Variants in ITSN2 observed in about 807,000 individuals in gnomAD.
The protein encoded by ITSN2 is intersectin-2.
ITSN2 carries 156 observed loss-of-function variants against 243.7 expected under a neutral mutation model. That is an observed-to-expected ratio of 0.64 (90% CI 0.56 to 0.73). The LOEUF (loss-of-function observed/expected upper bound fraction) is 0.73. Ranked by LOEUF, ITSN2 falls within the 30% of genes least tolerant of loss-of-function variation. ITSN2 has a pLI of 0.00. For missense variants in ITSN2, 1,801 were observed against 1,996.1 expected (o/e 0.90, Z 1.86); for synonymous variants, 703 against 699.9 (o/e 1.00, Z -0.07).
At chr2:24,208,858 A>C (rs1669193789) in intron 36 of ITSN2, among the ~76,000 whole-genome samples, 1 of 152,176 alleles carries the variant, frequency 6.6e-6, no homozygotes, top group African/African-American at 2.4e-5. Context: ...TCAGGTGCTG[A>C]TCTGCCATTT....
chr2:24,298,629 T>A, intron 13 of ITSN2, 36 bp downstream of exon 13: 1 of 1,580,016 alleles, frequency 6.3e-7, no homozygotes, highest in Non-Finnish European at 8.6e-7. Flanking sequence ...AGCTCCATCA[T>A]CATTCAGATA....
chr2:24,223,683 C>CAA (rs61310660), intron 29 of ITSN2, among the ~76,000 whole-genome samples: 189 of 87,216 alleles, frequency 2.2e-3, no homozygotes, highest in South Asian at 6.1e-3. Flanking sequence ...GACCCTGTTT[C>CAA]AAAAAAAAAA....
chr2:24,222,410 C>A (rs1193770764), intron 29 of ITSN2, among the ~76,000 whole-genome samples: 1 of 152,006 alleles, frequency 6.6e-6, no homozygotes, highest in African/African-American at 2.4e-5. Context: ...CAAAAGACTG[C>A]AAAACCACAA....
chr2:24,290,539 A>C (rs1034754369), intron 15 of ITSN2, among the ~76,000 whole-genome samples: 2 of 152,216 alleles, frequency 1.3e-5, no homozygotes, highest in Non-Finnish European at 1.5e-5. Flanking sequence ...TATTGTTTAA[A>C]GAGACCTTCC....
At chr2:24,289,129 A>C (rs554009667) in intron 15 of ITSN2, among the ~76,000 whole-genome samples, 5 of 152,256 alleles carry the variant, frequency 3.3e-5, no homozygotes, top group Admixed American at 6.5e-5. Flanking sequence ...ATACGTTTTA[A>C]AATTGCTTTT....
chr2:24,237,160 CTGTTT>C (rs1350599868), intron 29 of ITSN2, among the ~76,000 whole-genome samples: 23 of 152,148 alleles, frequency 1.5e-4, no homozygotes, highest in African/African-American at 5.6e-4. Flanking sequence ...ATTATCTAAT[CTGTTT>C]TAATTTCTGT....
chr2:24,354,046 G>A (rs998139259), intron 1 of ITSN2, among the ~76,000 whole-genome samples: 10 of 152,188 alleles, frequency 6.6e-5, no homozygotes, highest in African/African-American at 1.9e-4. Context: ...TGATATAAAT[G>A]TGCATATTTA....
At chr2:24,359,632 A>C (rs1034898071) in intron 1 of ITSN2, among the ~76,000 whole-genome samples, 10 of 152,300 alleles carry the variant, frequency 6.6e-5, no homozygotes, top group Middle Eastern at 3.4e-3. Context: ...AGACGTCTTT[A>C]AAAATAAATA....
At chr2:24,359,023 T>C (rs1295195193) in intron 1 of ITSN2, among the ~76,000 whole-genome samples, 2 of 152,318 alleles carry the variant, frequency 1.3e-5, no homozygotes, top group Non-Finnish European at 2.9e-5. Flanking sequence ...TTCCACGTTT[T>C]CAAAAACATA....
chr2:24,277,470 A>G (rs1318708798), intron 17 of ITSN2, among the ~76,000 whole-genome samples: 5 of 152,224 alleles, frequency 3.3e-5, no homozygotes, highest in Non-Finnish European at 5.9e-5. Context: ...GCCAATAGTA[A>G]TGCATACTGC....
intron 1 of ITSN2, among the ~76,000 whole-genome samples, chr2:24,343,921 A>G (rs1687283555): frequency 6.6e-6 from 1 of 152,204 alleles, no homozygotes; most frequent in Non-Finnish European, 1.5e-5. Flanking sequence ...AAACTTACTA[A>G]GCGGACTCCA....
chr2:24,298,906 T>C, intron 12 of ITSN2, 92 bp from the exon 13 acceptor site: 1 of 1,217,480 alleles, frequency 8.2e-7, no homozygotes, highest in African/African-American at 1.5e-5. Flanking sequence ...TCAGGCAGAG[T>C]TTAGCACTTA....
chr2:24,286,238 T>C lies in ITSN2; in HGVS notation c.1837A>G (p.Met613Val). ...EKETASKLSE[M>V]DSFNNQLKCG... ...TTTAGTTGATTGTTAAAAGAATCCATTTCTGACAGCTTAGATGCAGTTTCT... is the reference window on the plus strand; with the variant it reads ...TTTAGTTGATTGTTAAAAGAATCCACTTCTGACAGCTTAGATGCAGTTTCT... The change falls in exon 16 of 40, where the codon ATG becomes GTG. Residue 613 changes from methionine to valine, a missense_variant. By Grantham distance (21) the Met-to-Val change is conservative. This residue lies in a region of ITSN2 where 787 missense variants were observed against 803.9 expected (regional missense o/e 0.98). Transcript: ENST00000355123. The C allele has an allele frequency of 6.3e-7, 1 of 1,597,892 alleles. No homozygotes were observed. Among genetic ancestry groups the C allele is most frequent in the Non-Finnish European group, 8.6e-7 (1 of 1,168,690 alleles).
intron 8 of ITSN2, among the ~76,000 whole-genome samples, chr2:24,306,270 G>A (rs899341017): frequency 2.6e-5 from 4 of 152,130 alleles, no homozygotes; most frequent in African/African-American, 9.7e-5. Context: ...GTGAGCCACT[G>A]CACCCGGCCT....
intron 23 of ITSN2, among the ~76,000 whole-genome samples, chr2:24,256,093 G>A (rs1202487278): frequency 6.6e-6 from 1 of 151,362 alleles, no homozygotes; most frequent in Non-Finnish European, 1.5e-5. Context: ...GCATGGTGGT[G>A]GATGCCTGTA....
intron 23 of ITSN2, among the ~76,000 whole-genome samples, chr2:24,257,656 C>G (rs1356336247): frequency 6.6e-6 from 1 of 151,732 alleles, no homozygotes; most frequent in Non-Finnish European, 1.5e-5. Context: ...AGGGTTTCAC[C>G]ACGTCACCCA....
At chr2:24,312,055 T>C (rs886688485) in intron 5 of ITSN2, among the ~76,000 whole-genome samples, 157 bp downstream of exon 5, 1 of 152,208 alleles carries the variant, frequency 6.6e-6, no homozygotes, top group African/African-American at 2.4e-5. Flanking sequence ...CCCCTACCTG[T>C]GACAGTGAAT....
intron 1 of ITSN2, chr2:24,330,637 G>A: frequency 1.3e-6 from 1 of 749,348 alleles, no homozygotes; most frequent in Non-Finnish European, 2.4e-6. Context: ...AAAACAGACG[G>A]GGCACAGAAA....
At chr2:24,337,315 A>AATATATATATATATATATATATATATAT (rs201712131) in intron 1 of ITSN2, among the ~76,000 whole-genome samples, 13 of 31,980 alleles carry the variant, frequency 4.1e-4, no homozygotes, top group South Asian at 1.4e-3. Context: ...GTATACACAA[A>AATATATATATATATATATATATATATAT]ATATATATAT....
Sources: allele counts gnomAD v4.1 joint callset (sites outside exome capture counted in the v4.1 genomes callset), GRCh38; gene constraint gnomAD v4.1.1; regional missense constraint gnomAD v4.1.1; transcripts MANE v1.5; gene names NCBI Gene and HGNC (gene_info 2026-07-23, HGNC 2026-07-21).